The following SAMD13 variants were observed in gnomAD, a reference collection of about 807,000 sequenced individuals.
SAMD13 encodes sterile alpha motif domain-containing protein 13.
SAMD13 carries 9 observed loss-of-function variants against 12.4 expected under a neutral mutation model. The ratio of observed to expected loss-of-function variants is 0.72; its 90% confidence interval spans 0.44 to 1.26. The LOEUF (loss-of-function observed/expected upper bound fraction) is 1.26. Among genes scored for constraint, SAMD13 ranks in the 50% most tolerant of loss-of-function variants. The pLI is 0.00. For missense variants in SAMD13, 84 were observed against 119.6 expected (o/e 0.70, Z 1.39); for synonymous variants, 46 against 45.4 (o/e 1.01, Z -0.05).
At chr1:84,329,807 C>T (rs1679135534) in intron 3 of SAMD13, among the ~76,000 whole-genome samples, 1 of 152,152 alleles carries the variant, frequency 6.6e-6, no homozygotes, top group South Asian at 2.1e-4. Flanking sequence ...CACAAATAAC[C>T]CAGTGTCAAT....
intron 3 of SAMD13, among the ~76,000 whole-genome samples, chr1:84,340,549 A>G (rs72942085): frequency 0.077 from 11,708 of 152,278 alleles, 1,413 homozygotes; most frequent in African/African-American, 0.25. Context: ...AAAATGGTCA[A>G]AATGGCATAT....
intron 3 of SAMD13, among the ~76,000 whole-genome samples, chr1:84,342,046 A>G (rs1679438544): frequency 6.6e-6 from 1 of 152,204 alleles, no homozygotes; most frequent in Non-Finnish European, 1.5e-5. Flanking sequence ...TAATCTGGGC[A>G]TTGACATAAG....
intron 3 of SAMD13, among the ~76,000 whole-genome samples, chr1:84,338,432 C>CTTTTT (rs201864672): frequency 1.3e-4 from 13 of 100,644 alleles, no homozygotes; most frequent in African/African-American, 5.1e-4. Context: ...ACTCATCTCT[C>CTTTTT]TTTTTTTTTT....
chr1:84,330,786 A>G (rs535344087), intron 3 of SAMD13, among the ~76,000 whole-genome samples: 2 of 152,318 alleles, frequency 1.3e-5, no homozygotes, highest in African/African-American at 4.8e-5. Flanking sequence ...CAGATCTGCC[A>G]TTCAATCAAT....
intron 2 of SAMD13, among the ~76,000 whole-genome samples, chr1:84,321,566 A>T (rs576743018): frequency 6.6e-6 from 1 of 152,336 alleles, no homozygotes; most frequent in South Asian, 2.1e-4. Context: ...AGGTATTTTA[A>T]ACAGTGACAT....
chr1:84,349,097 A>G (rs939701074), intron 3 of SAMD13, among the ~76,000 whole-genome samples: 2 of 152,162 alleles, frequency 1.3e-5, no homozygotes, highest in African/African-American at 2.4e-5. Context: ...TAAAAAGAAC[A>G]TTGGCTTTGG....
At chr1:84,308,013 C>G (rs943031228) in intron 2 of SAMD13, among the ~76,000 whole-genome samples, 1 of 152,070 alleles carries the variant, frequency 6.6e-6, no homozygotes, top group African/African-American at 2.4e-5. Flanking sequence ...CCAGAGTTCT[C>G]TTTTTTTGTA....
chr1:84,298,611 C>G (rs373542178), upstream of SAMD13: 6 of 1,276,698 alleles, frequency 4.7e-6, no homozygotes, highest in South Asian at 3.8e-5. Flanking sequence ...AAGGCGCCCG[C>G]CCTCTCCTCT....
intron 2 of SAMD13, among the ~76,000 whole-genome samples, chr1:84,320,242 A>T (rs1678911755): frequency 6.6e-6 from 1 of 152,224 alleles, no homozygotes; most frequent in Non-Finnish European, 1.5e-5. Flanking sequence ...ACATAAGCAA[A>T]GCCACGGGTA....
At chr1:84,347,921 A>T (rs1433280061) in intron 3 of SAMD13, among the ~76,000 whole-genome samples, 2 of 152,164 alleles carry the variant, frequency 1.3e-5, no homozygotes, top group Non-Finnish European at 2.9e-5. Flanking sequence ...TCTTTGTACT[A>T]TGAATCAGCT....
chr1:84,311,351 G>C (rs866678256), intron 2 of SAMD13, among the ~76,000 whole-genome samples: 2 of 135,442 alleles, frequency 1.5e-5, no homozygotes, highest in Non-Finnish European at 3.1e-5. Flanking sequence ...AAAAAAAAAA[G>C]AAAAGAAAAG....
At chr1:84,317,140 A>G (rs752282628) in intron 2 of SAMD13, among the ~76,000 whole-genome samples, 5 of 152,044 alleles carry the variant, frequency 3.3e-5, no homozygotes, top group Admixed American at 6.6e-5. Flanking sequence ...AGATCATATC[A>G]TCTGTAAATG....
chr1:84,338,104 C>T (rs937577176), intron 3 of SAMD13, among the ~76,000 whole-genome samples: 2 of 152,212 alleles, frequency 1.3e-5, no homozygotes, highest in African/African-American at 4.8e-5. Flanking sequence ...AAGTTTCAAA[C>T]TTTCCCACAT....
At chr1:84,338,452 T>TTTTC (rs1365408385) in intron 3 of SAMD13, among the ~76,000 whole-genome samples, 3,368 of 146,396 alleles carry the variant, frequency 0.023, 124 homozygotes, top group African/African-American at 0.083. Context: ...TTTTTTTTTT[T>TTTTC]TTTAAGATGG....
chr1:84,349,835 T>C lies in SAMD13; in HGVS notation c.*61T>C, dbSNP rs571786864. On this transcript the variant is annotated 3_prime_UTR_variant, in exon 4 of 4. Coordinates refer to ENST00000394834, the MANE Select transcript of SAMD13 (RefSeq NM_001134663.2). The stretch of plus-strand genomic sequence containing the variant: ...CATAATGACATAATTTAGTTTCATG[T>C]AATGAAACTTTGTAAACAGAATACA... The C allele has an allele frequency of 6.0e-5, 93 of 1,561,230 alleles. No homozygotes were observed. The African/African-American group carries it at 1.2e-3, about 21-fold the overall frequency.
At chr1:84,328,565 G>C (rs1288561277) in intron 3 of SAMD13, among the ~76,000 whole-genome samples, 1 of 152,170 alleles carries the variant, frequency 6.6e-6, no homozygotes, top group Non-Finnish European at 1.5e-5. Flanking sequence ...TCACTGGCCA[G>C]GCTTAGGATG....
At chr1:84,341,855 G>C (rs999725689) in intron 3 of SAMD13, among the ~76,000 whole-genome samples, 2 of 152,080 alleles carry the variant, frequency 1.3e-5, no homozygotes, top group African/African-American at 4.8e-5. Context: ...TTGTAGAAAT[G>C]GTTGGTGTAT....
chr1:84,303,048 C>T, intron 1 of SAMD13, 155 bp from the exon 2 acceptor site: 1 of 582,444 alleles, frequency 1.7e-6, no homozygotes, highest in Non-Finnish European at 3.0e-6. Flanking sequence ...GGTTTAATCA[C>T]ATCTCTCCAA....
chr1:84,325,536 C>T lies in SAMD13; in HGVS notation c.54-101C>T. 5.6e-6 allele frequency: 4 copies of T among 709,088 alleles called. No individual in the cohort carries two copies. In the South Asian group the frequency reaches 6.7e-5, roughly 12 times the overall value. 43.9% of individuals were successfully genotyped at this position (709,088 alleles called of 1,614,324 possible). A position where few individuals can be genotyped will look rare whatever the true frequency, so the allele number is the denominator to read the frequency against. ...AGTGAGAGTAATCATCATCTGAACCCAAAAAACATGAAAGGCCTGTCCCAG... is the reference window on the plus strand; with the variant it reads ...AGTGAGAGTAATCATCATCTGAACCTAAAAAACATGAAAGGCCTGTCCCAG... On this transcript the variant is annotated intron_variant, in intron 2 of 3. Transcript: ENST00000394834.
Sources: allele counts gnomAD v4.1 joint callset (sites outside exome capture counted in the v4.1 genomes callset), GRCh38; gene constraint gnomAD v4.1.1; transcripts MANE v1.5; gene names NCBI Gene and HGNC (gene_info 2026-07-23, HGNC 2026-07-21).